Variants in NKAIN1 observed in about 807,000 individuals in gnomAD.
The protein encoded by NKAIN1 is sodium/potassium-transporting ATPase subunit beta-1-interacting protein 1.
A neutral mutation model predicts 31.6 loss-of-function variants in NKAIN1; 13 were observed. That is an observed-to-expected ratio of 0.41 (90% CI 0.27 to 0.65). The LOEUF is 0.65. NKAIN1 is among the 30% of genes least tolerant of loss of function. NKAIN1 has a pLI of 0.30. For synonymous variants in NKAIN1, 104 were observed against 109.0 expected (o/e 0.95, Z 0.28); for missense variants, 193 against 262.2 (o/e 0.74, Z 1.82).
chr1:31,209,848 G>A (rs1369614030), intron 1 of NKAIN1, among the ~76,000 whole-genome samples: 1 of 151,812 alleles, frequency 6.6e-6, no homozygotes, highest in Non-Finnish European at 1.5e-5. Context: ...TTAGCCAGGT[G>A]TGGTGGTGCA....
At chr1:31,211,732 TGAGTTC>T (rs1645471223) in intron 1 of NKAIN1, among the ~76,000 whole-genome samples, 1 of 151,940 alleles carries the variant, frequency 6.6e-6, no homozygotes, top group Non-Finnish European at 1.5e-5. Flanking sequence ...GTGGATTGCT[TGAGTTC>T]GAGTCCAGCC....
chr1:31,201,147 AGT>A (rs1645377043), intron 1 of NKAIN1, among the ~76,000 whole-genome samples: 1 of 152,144 alleles, frequency 6.6e-6, no homozygotes, highest in Admixed American at 6.5e-5. Context: ...TGGTGAATAC[AGT>A]GCACCCAGCT....
At chr1:31,232,418 T>TATATATATATATATATATATAG (rs1645658255) in intron 1 of NKAIN1, among the ~76,000 whole-genome samples, 1 of 33,070 alleles carries the variant, frequency 3.0e-5, no homozygotes, top group Non-Finnish European at 5.9e-5. Flanking sequence ...TATATATATA[T>TATATATATATATATATATATAG]ATATATAGAG....
rs547823025 is a variant in NKAIN1 at position 31,215,850 on chromosome 1, A to G, written c.54+23644T>C. Among the ~76,000 whole-genome samples the G allele has an allele frequency of 1.6e-4, 24 of 152,310 alleles. No homozygotes were observed. In the East Asian group the frequency reaches 4.6e-3, roughly 29 times the overall value. On this transcript the variant is annotated intron_variant, in intron 1 of 6. Transcript: ENST00000373736. The stretch of plus-strand genomic sequence containing the variant: ...AGAATACCTGGCTCTGACCTATAAT[A>G]AAAGCACTAATAACAATGGCTAAGA...
chr1:31,184,912 C>T (rs1645230837), intron 3 of NKAIN1, among the ~76,000 whole-genome samples: 1 of 152,134 alleles, frequency 6.6e-6, no homozygotes, highest in African/African-American at 2.4e-5. Flanking sequence ...TTTCACCTCC[C>T]TTGCTCTGAA....
intron 1 of NKAIN1, among the ~76,000 whole-genome samples, chr1:31,216,505 C>T (rs1408550131): frequency 6.6e-6 from 1 of 152,128 alleles, no homozygotes; most frequent in African/African-American, 2.4e-5. Flanking sequence ...CACTGAAGCA[C>T]ACCAAAAAGT....
intron 1 of NKAIN1, among the ~76,000 whole-genome samples, chr1:31,218,032 C>CTTTCTTTCTT (rs1557659900): frequency 2.0e-5 from 2 of 98,900 alleles, no homozygotes; most frequent in South Asian, 3.4e-4. Flanking sequence ...TTCTTTCTTT[C>CTTTCTTTCTT]TTTCTTTCTT....
intron 1 of NKAIN1, among the ~76,000 whole-genome samples, chr1:31,214,044 C>A (rs929141154): frequency 1.4e-5 from 2 of 144,074 alleles, no homozygotes; most frequent in Admixed American, 1.4e-4. Context: ...ATTAATTAAA[C>A]AAAATAAAAA....
chr1:31,196,630 G>C (rs1198589477), intron 1 of NKAIN1, among the ~76,000 whole-genome samples: 1 of 151,312 alleles, frequency 6.6e-6, no homozygotes, highest in African/African-American at 2.4e-5. Flanking sequence ...CAGGAGGTGG[G>C]AGTTGCAGTG....
chr1:31,237,666 T>C (rs556699113), intron 1 of NKAIN1, among the ~76,000 whole-genome samples: 2 of 151,972 alleles, frequency 1.3e-5, no homozygotes, highest in Non-Finnish European at 2.9e-5. Context: ...CCCCTAATTT[T>C]TGTATTTTCA....
intron 1 of NKAIN1, among the ~76,000 whole-genome samples, chr1:31,207,835 T>A (rs1645436193): frequency 6.6e-6 from 1 of 152,150 alleles, no homozygotes; most frequent in African/African-American, 2.4e-5. Context: ...CCATATCATG[T>A]ACTCCTCTCA....
intron 1 of NKAIN1, among the ~76,000 whole-genome samples, chr1:31,203,608 G>A (rs528947512): frequency 1.2e-3 from 123 of 104,374 alleles, no homozygotes; most frequent in African/African-American, 3.1e-3. Context: ...TTTTTGAGAC[G>A]GAGTCTTGCT....
intron 1 of NKAIN1, among the ~76,000 whole-genome samples, chr1:31,215,880 C>T (rs1400504604): frequency 1.3e-5 from 2 of 152,142 alleles, no homozygotes; most frequent in African/African-American, 4.8e-5. Flanking sequence ...CTAAGATATG[C>T]ACATGGACTC....
chr1:31,182,962 CT>C (rs143863979), intron 4 of NKAIN1, among the ~76,000 whole-genome samples: 13 of 149,612 alleles, frequency 8.7e-5, no homozygotes, highest in South Asian at 4.3e-4. Context: ...TTCTTTCTTT[CT>C]TTTTTTTTTC....
chr1:31,223,838 T>C (rs990805004), intron 1 of NKAIN1, among the ~76,000 whole-genome samples: 1 of 152,232 alleles, frequency 6.6e-6, no homozygotes, highest in African/African-American at 2.4e-5. Flanking sequence ...GCATTTCCTA[T>C]TGTCCTTGTA....
At chr1:31,211,602 C>CTT (rs1557657671) in intron 1 of NKAIN1, among the ~76,000 whole-genome samples, 1 of 69,256 alleles carries the variant, frequency 1.4e-5, no homozygotes, top group Non-Finnish European at 3.9e-5. Context: ...ATTCCAACTA[C>CTT]CTTTTTTTTT....
At chr1:31,229,205 A>G (rs951877637) in intron 1 of NKAIN1, among the ~76,000 whole-genome samples, 4 of 151,950 alleles carry the variant, frequency 2.6e-5, no homozygotes, top group African/African-American at 7.3e-5. Flanking sequence ...GCTGGATTCA[A>G]CTCCAGGTAG....
intron 3 of NKAIN1, among the ~76,000 whole-genome samples, chr1:31,184,607 G>T (rs1345097741): frequency 6.6e-6 from 1 of 152,210 alleles, no homozygotes; most frequent in South Asian, 2.1e-4. Context: ...GCTCAGAGAG[G>T]ATCAGCCACT....
At chr1:31,217,862 T>A (rs565346363) in intron 1 of NKAIN1, among the ~76,000 whole-genome samples, 51 of 152,200 alleles carry the variant, frequency 3.4e-4, no homozygotes, top group African/African-American at 1.2e-3. Context: ...GCTGCAGGGA[T>A]GTTCTCTAGG....
Sources: gnomAD v4.1 joint callset for allele counts (sites outside exome capture counted in the v4.1 genomes callset) on GRCh38, gnomAD v4.1.1 for gene constraint, MANE v1.5 for transcripts, NCBI Gene and HGNC (gene_info 2026-07-23, HGNC 2026-07-21) for gene names.